ZNF618: variants seen among roughly 807,000 people sequenced by gnomAD.
ZNF618 encodes the protein zinc finger protein 618.
A neutral mutation model predicts 103.0 loss-of-function variants in ZNF618; 34 were observed. The observed-to-expected ratio is 0.33, with a 90% confidence interval of 0.25 to 0.44. ZNF618 has a LOEUF of 0.44. ZNF618 is among the 20% of genes least tolerant of loss of function. ZNF618 has a pLI of 1.00. For synonymous variants in ZNF618, 551 were observed against 542.2 expected (o/e 1.02, Z -0.23); for missense variants, 1,059 against 1,295.4 (o/e 0.82, Z 2.80).
At chr9:113,934,024 G>C (rs1248550081) in intron 1 of ZNF618, among the ~76,000 whole-genome samples, 1 of 152,094 alleles carries the variant, frequency 6.6e-6, no homozygotes, top group Admixed American at 6.5e-5. Flanking sequence ...TTGAGCTGGT[G>C]GGCTGGGGAC....
intron 1 of ZNF618, among the ~76,000 whole-genome samples, chr9:113,901,401 A>T (rs1240376931): frequency 6.6e-6 from 1 of 152,212 alleles, no homozygotes; most frequent in Non-Finnish European, 1.5e-5. Context: ...TTTGCCAGAC[A>T]CTTGCAGGGA....
At chr9:113,952,285 A>G (rs1422753512) in intron 1 of ZNF618, among the ~76,000 whole-genome samples, 1 of 152,218 alleles carries the variant, frequency 6.6e-6, no homozygotes, top group Non-Finnish European at 1.5e-5. Context: ...GGGATCTTCC[A>G]GAAGGATCCA....
chr9:114,027,550 T>C (rs1843622676), intron 10 of ZNF618, among the ~76,000 whole-genome samples: 1 of 152,118 alleles, frequency 6.6e-6, no homozygotes, highest in African/African-American at 2.4e-5. Flanking sequence ...ACTCAGTTCC[T>C]CTGTGACCTT....
At chr9:114,038,292 C>G (rs1844809047) in intron 13 of ZNF618, among the ~76,000 whole-genome samples, 1 of 152,218 alleles carries the variant, frequency 6.6e-6, no homozygotes, top group Non-Finnish European at 1.5e-5. Context: ...TTTCCCATCC[C>G]TGGAGGCCAT....
Position 114,053,231 on chromosome 9 carries a change from C to G in ZNF618, c.*3064C>G, listed in dbSNP as rs563772718. 6.6e-6 allele frequency: 1 copy of G among 152,662 alleles called. No homozygotes were observed. Among genetic ancestry groups the G allele is most frequent in the African/African-American group, 2.4e-5 (1 of 41,584 alleles). 9.5% of individuals were successfully genotyped at this position (152,662 alleles called of 1,614,324 possible). ...CCCCTTTATCTCCAACAATATCCAC[C>G]TCACCAAATTCTAGTTCAGCCAAAG... On this transcript the variant is annotated 3_prime_UTR_variant, in exon 15 of 15. Coordinates refer to ENST00000374126, the MANE Select transcript of ZNF618 (RefSeq NM_001318042.2).
At chr9:113,894,881 A>G (rs537118870) in intron 1 of ZNF618, among the ~76,000 whole-genome samples, 8 of 152,180 alleles carry the variant, frequency 5.3e-5, no homozygotes, top group Non-Finnish European at 1.2e-4. Flanking sequence ...CAATAATATC[A>G]TATGCAAATA....
rs367754421 is a variant in ZNF618, at chr9:113,939,334, A to G, written c.34-29783A>G. 2.6e-5 allele frequency among the ~76,000 whole-genome samples: 4 copies of G among 152,194 alleles called. No individual in the cohort carries two copies. In the South Asian group the frequency reaches 8.3e-4, roughly 32 times the overall value. On this transcript the variant is annotated intron_variant, in intron 1 of 14. Transcript: ENST00000374126. ...TGTTTTTGCCTCATACTATCTCAGA[A>G]GACTTAGGATGATGTCTTTTGGAGT...
intron 1 of ZNF618, among the ~76,000 whole-genome samples, chr9:113,927,427 G>C (rs980084252): frequency 1.8e-4 from 27 of 152,184 alleles, no homozygotes; most frequent in Admixed American, 4.6e-4. Flanking sequence ...TCTTTCAGCT[G>C]TGATCCCATT....
At chr9:114,020,572 C>T (rs1378628959) in intron 10 of ZNF618, among the ~76,000 whole-genome samples, 1 of 152,026 alleles carries the variant, frequency 6.6e-6, no homozygotes, top group Non-Finnish European at 1.5e-5. Flanking sequence ...TGTGACACTA[C>T]CATGACTTTT....
At position 113,998,281 on chromosome 9, in the gene ZNF618, C is replaced by G; in HGVS notation, c.360C>G (p.Ser120Arg). 1 of 1,550,596 alleles carries G rather than the reference C, an allele frequency of 6.4e-7. No individual in the cohort carries two copies. The highest frequency in any genetic ancestry group is 8.7e-7 in the Non-Finnish European group (1 of 1,146,994). ...CAGATGGAAAAGCGCCCGAAGGCAG[C>G]CCCCACGGTGGATCTGTGCGAAGCC... Reference protein sequence around the residue: ...QTLDGKAPEGSPHGGSVRSRY... With the variant: ...QTLDGKAPEGRPHGGSVRSRY... Residue 120 changes from serine (S) to arginine (R), a missense_variant, in exon 4 of 15, where the codon AGC (serine) becomes AGG (arginine). Physicochemically the swap from Ser to Arg is moderately radical, Grantham distance 110. Coordinates refer to ENST00000374126, the MANE Select transcript of ZNF618 (RefSeq NM_001318042.2).
intron 1 of ZNF618, among the ~76,000 whole-genome samples, chr9:113,914,360 C>T (rs1030654093): frequency 3.9e-5 from 6 of 152,096 alleles, no homozygotes; most frequent in African/African-American, 9.7e-5. Context: ...GCCTTCAAGA[C>T]GCAGGATATA....
intron 1 of ZNF618, among the ~76,000 whole-genome samples, chr9:113,929,111 T>C (rs1833351379): frequency 6.6e-6 from 1 of 152,210 alleles, no homozygotes; most frequent in South Asian, 2.1e-4. Flanking sequence ...TGAAGGACAA[T>C]GGGATTATTG....
intron 9 of ZNF618, among the ~76,000 whole-genome samples, chr9:114,011,905 G>A (rs1286017518): frequency 6.6e-6 from 1 of 152,140 alleles, no homozygotes. Flanking sequence ...ATGATAATGG[G>A]CAGAGGGAGA....
At chr9:113,923,801 GCCTGGGA>G (rs2131694027) in intron 1 of ZNF618, among the ~76,000 whole-genome samples, 1 of 152,138 alleles carries the variant, frequency 6.6e-6, no homozygotes, top group South Asian at 2.1e-4. Context: ...TATCTGAAAT[GCCTGGGA>G]CCTGAAGTAT....
At chr9:114,034,311 C>T (rs568375370) in intron 12 of ZNF618, among the ~76,000 whole-genome samples, 39 of 152,114 alleles carry the variant, frequency 2.6e-4, no homozygotes, top group African/African-American at 6.8e-4. Flanking sequence ...TAAGTAGTAG[C>T]GCCGGGCTGG....
chr9:114,047,079 C>T (rs1845717048), intron 13 of ZNF618, among the ~76,000 whole-genome samples: 1 of 152,164 alleles, frequency 6.6e-6, no homozygotes, highest in Non-Finnish European at 1.5e-5. Flanking sequence ...TGGGTAGTGA[C>T]AAGAATGTGA....
intron 13 of ZNF618, among the ~76,000 whole-genome samples, chr9:114,037,402 G>C (rs1475064308): frequency 6.6e-6 from 1 of 152,168 alleles, no homozygotes; most frequent in Admixed American, 6.5e-5. Flanking sequence ...CCAGTGTGGA[G>C]AATTAGCCAC....
At chr9:113,946,150 G>A (rs910247506) in intron 1 of ZNF618, among the ~76,000 whole-genome samples, 9 of 152,320 alleles carry the variant, frequency 5.9e-5, no homozygotes, top group Non-Finnish European at 1.3e-4. Flanking sequence ...TGGTCTTGGC[G>A]CTCTGCGGAG....
At chr9:113,989,709 A>G (rs893755456) in intron 3 of ZNF618, among the ~76,000 whole-genome samples, 21 of 152,312 alleles carry the variant, frequency 1.4e-4, no homozygotes, top group Non-Finnish European at 1.2e-4. Flanking sequence ...ATGCGGCACC[A>G]TGGCCTCGTT....
Sources: gnomAD v4.1 joint callset for allele counts (sites outside exome capture counted in the v4.1 genomes callset) on GRCh38, gnomAD v4.1.1 for gene constraint, MANE v1.5 for transcripts, NCBI Gene and HGNC (gene_info 2026-07-23, HGNC 2026-07-21) for gene names.